The following ODC1 variants were observed in gnomAD, a reference collection of about 807,000 sequenced individuals.
ODC1 encodes ornithine decarboxylase 1.
ODC1 carries 18 observed loss-of-function variants against 41.5 expected under a neutral mutation model. The ratio of observed to expected loss-of-function variants is 0.43; its 90% CI spans 0.30 to 0.64. ODC1 has a LOEUF of 0.64. ODC1 is among the 30% of genes least tolerant of loss of function. The pLI is 0.11. For synonymous variants in ODC1, 218 were observed against 211.6 expected (o/e 1.03, Z -0.26); for missense variants, 504 against 589.0 (o/e 0.86, Z 1.49).
chr2:10,440,814 C>G lies in ODC1; in HGVS notation c.1296G>C (p.Gln432His). ...NPDFPPEVEE[Q>H]DASTLPVSCA... ...AAGACACAGGCAGGGTGCTGGCATC[C>G]TGTTCCTCTACTTCGGGTGGGAAGT... Residue 432 changes from glutamine (Q) to histidine (H), a missense_variant, in exon 12 of 12, where the codon CAG becomes CAC. Gln to His is a conservative substitution (Grantham distance 24). Transcript: ENST00000234111. 1 of 1,614,130 alleles carries G rather than the reference C, an allele frequency of 6.2e-7. No homozygotes were observed. The highest frequency in any genetic ancestry group is 8.5e-7 in the Non-Finnish European group (1 of 1,180,004).
rs1478999060 is a variant in ODC1, at chr2:10,442,006, A to G, written c.913+6T>C. Reference sequence around the variant, plus strand: ...ATACATGAAGTGATTCGTCCTTTATACATACCATCAGAGCCCGTCTGTTCC... The same window carrying G: ...ATACATGAAGTGATTCGTCCTTTATGCATACCATCAGAGCCCGTCTGTTCC... On this transcript the variant is annotated splice_donor_region_variant and intron_variant, in intron 9 of 11. Coordinates refer to ENST00000234111, the MANE Select transcript of ODC1 (RefSeq NM_002539.3). The G allele has an allele frequency of 6.2e-7, 1 of 1,613,540 alleles. No homozygotes were observed. The highest frequency in any genetic ancestry group is 8.5e-7 in the Non-Finnish European group (1 of 1,179,526).
rs761328124 is a variant in ODC1, at chr2:10,442,166, G to A, written c.759C>T (p.Gly253=). 15 of 1,602,608 alleles carry A rather than the reference G, an allele frequency of 9.4e-6. No homozygotes were observed. Among genetic ancestry groups the A allele is most frequent in the African/African-American group, 1.3e-5 (1 of 74,260 alleles). The part of the protein sequence containing the change: ...DVKLKFEEIT[G]VINPALDKYF... Reference sequence around the variant, plus strand: ...ATTTGTCCAACGCTGGGTTGATTACGCCGGTGATCTAAGAGAGTGAAACAG... The same window carrying A: ...ATTTGTCCAACGCTGGGTTGATTACACCGGTGATCTAAGAGAGTGAAACAG... The change falls in exon 9 of 12, where the codon GGC becomes GGT. Residue 253 remains glycine (G), a synonymous_variant. Transcript: ENST00000234111.
In ODC1 at chr2:10,442,016, A is replaced by G. The variant is rs1671840368; in HGVS notation, c.909T>C (p.Ser303=). 6.2e-7 allele frequency: 1 copy of G among 1,613,616 alleles called. No homozygotes were observed. Among genetic ancestry groups the G allele is most frequent in the South Asian group, 1.1e-5 (1 of 91,054 alleles). ...TGATTCGTCCTTTATACATACCATC[A>G]GAGCCCGTCTGTTCCTTTAATACAA... is the stretch of plus-strand genomic sequence containing the variant. ...KKIVLKEQTG[S]DDEDESSEQT... Residue 303 remains serine (S), a synonymous_variant, in exon 9 of 12, where the codon TCT becomes TCC. Transcript: ENST00000234111.
intron 2 of ODC1, 47 bp from the exon 3 acceptor site, chr2:10,445,096 G>T: frequency 1.0e-6 from 1 of 979,772 alleles, no homozygotes; most frequent in Non-Finnish European, 1.6e-6. Flanking sequence ...TCACTTAGAA[G>T]CCTTAGCAAT....
rs564315137 is a variant in ODC1 at position 10,441,447 on chromosome 2, A to C, written c.1241+62T>G. 1.3e-4 allele frequency: 192 copies of C among 1,506,842 alleles called. No individual in the cohort carries two copies. The African/African-American group carries it at 1.7e-3, about 14-fold the overall frequency. 93.3% of individuals were successfully genotyped at this position (1,506,842 alleles called of 1,614,324 possible). A position where few individuals can be genotyped will look rare whatever the true frequency, so the allele number is the denominator to read the frequency against. ...ACAATTTCTTATTCGTCTAGACAAG[A>C]AGCACACATCCAAGAAGGTGCCTAT... On this transcript the variant is annotated intron_variant, in intron 11 of 11. Coordinates refer to ENST00000234111, the MANE Select transcript of ODC1 (RefSeq NM_002539.3).
At chr2:10,446,188 C>CA (rs1672007876) in intron 1 of ODC1, among the ~76,000 whole-genome samples, 1 of 146,620 alleles carries the variant, frequency 6.8e-6, no homozygotes, top group Admixed American at 6.9e-5. Context: ...GGCTGGAGTG[C>CA]AATGGCATGA....
chr2:10,443,466 C>T (rs1449965293), intron 7 of ODC1, 24 bp downstream of exon 7: 14 of 1,608,420 alleles, frequency 8.7e-6, no homozygotes, highest in Non-Finnish European at 1.2e-5. Context: ...CCCGCCCTTC[C>T]CTAACAGGGT....
Position 10,442,158 on chromosome 2 carries a change from T to G in ODC1, c.767A>C (p.Asn256Thr). 1 of 1,607,024 alleles carries G rather than the reference T, an allele frequency of 6.2e-7. No homozygotes were observed. Among genetic ancestry groups the G allele is most frequent in the South Asian group, 1.1e-5 (1 of 89,446 alleles). Residue 256 changes from asparagine to threonine, a missense_variant, in exon 9 of 12, where the codon AAC becomes ACC. Around this residue, in one of 3 missense-constraint regions of ODC1, gnomAD observed 447 missense variants for 524.4 expected, o/e 0.85. Coordinates refer to ENST00000234111, the MANE Select transcript of ODC1 (RefSeq NM_002539.3). ...LKFEEITGVI[N>T]PALDKYFPSD... Reference sequence around the variant, plus strand: ...CGGAAAGTATTTGTCCAACGCTGGGTTGATTACGCCGGTGATCTAAGAGAG... The same window carrying G: ...CGGAAAGTATTTGTCCAACGCTGGGGTGATTACGCCGGTGATCTAAGAGAG...
At position 10,443,975 on chromosome 2, in the gene ODC1, G is replaced by A. The variant is rs28362400; in HGVS notation, c.449+120C>T. 5,475 of 1,445,806 alleles carry A rather than the reference G, an allele frequency of 3.8e-3. 161 individuals are homozygous for A. In the African/African-American group the frequency reaches 0.067, roughly 18 times the overall value. 89.6% of individuals were successfully genotyped at this position (1,445,806 alleles called of 1,614,324 possible). Reference sequence around the variant, plus strand: ...AGTCCCAGGCTTCATGACTCAATGGGGGTTTCAACTACTTTCTACTAAAGT... The same window carrying A: ...AGTCCCAGGCTTCATGACTCAATGGAGGTTTCAACTACTTTCTACTAAAGT... On this transcript the variant is annotated intron_variant, in intron 5 of 11. Transcript: ENST00000234111.
At position 10,447,561 on chromosome 2, in the gene ODC1, C is replaced by G. The variant is rs888930679; in HGVS notation, c.-128+560G>C. 4.6e-5 allele frequency: 7 copies of G among 152,404 alleles called. No individual in the cohort carries two copies. In the East Asian group the frequency reaches 1.2e-3, roughly 25 times the overall value. The allele number at this position is 152,404 out of a possible 1,614,324, so 9.4% of individuals were successfully genotyped here. ...GTCATTCACAGTCCTTAAATAAACA[C>G]CTCTAAGTCATGGCCGAGCATCTAA... On this transcript the variant is annotated intron_variant, in intron 1 of 11. Transcript: ENST00000234111.
chr2:10,443,628 A>C, intron 6 of ODC1, 57 bp from the exon 7 acceptor site: 1 of 1,606,104 alleles, frequency 6.2e-7, no homozygotes, highest in Non-Finnish European at 8.5e-7. Context: ...AAATAATAGC[A>C]AACACTAGGA....
chr2:10,442,422 T>A (rs2148067982), intron 8 of ODC1, among the ~76,000 whole-genome samples: 1 of 152,348 alleles, frequency 6.6e-6, no homozygotes, highest in African/African-American at 2.4e-5. Context: ...GTATGATTTT[T>A]ATCAAAGAAC....
rs753595527 is a variant in ODC1 at position 10,443,768 on chromosome 2, G to A, written c.518C>T (p.Thr173Met). The A allele has an allele frequency of 2.0e-5, 32 of 1,614,030 alleles. No homozygotes were observed. The highest frequency in any genetic ancestry group is 1.6e-4 in the Middle Eastern group (1 of 6,084). ...VCRLSVKFGA[T>M]LRTSRLLLER... ...CAAAAGGAGCCTGCTGGTTCTGAGC[G>A]TGGCACCGAATTTCACACTGAGACG... The change falls in exon 6 of 12, where the codon ACG (threonine) becomes ATG (methionine). Residue 173 changes from threonine to methionine, a missense_variant. By Grantham distance (81) the Thr-to-Met change is moderately conservative. This residue lies in a region of ODC1 where 447 missense variants were observed against 524.4 expected (regional missense o/e 0.85). Coordinates refer to ENST00000234111, the MANE Select transcript of ODC1 (RefSeq NM_002539.3).
In ODC1 at chr2:10,441,515, G is replaced by A; in HGVS notation, c.1235C>T (p.Pro412Leu). The A allele has an allele frequency of 6.2e-7, 1 of 1,613,770 alleles. No homozygotes were observed. Among genetic ancestry groups the A allele is most frequent in the Non-Finnish European group, 8.5e-7 (1 of 1,179,846 alleles). ...RPTIYYVMSGPAWQLMQQFQN... is the reference protein window; with the variant it reads ...RPTIYYVMSGLAWQLMQQFQN... ...ACATGCATGGCTTACTTACCACGCA[G>A]GCCCTGACATCACATAGTAGATCGT... Residue 412 changes from proline to leucine, a missense_variant, in exon 11 of 12, where the codon CCT becomes CTT. This residue lies in a region of ODC1 where 447 missense variants were observed against 524.4 expected (regional missense o/e 0.85). Coordinates refer to ENST00000234111, the MANE Select transcript of ODC1 (RefSeq NM_002539.3).
Position 10,444,938 on chromosome 2 carries a change from G to T in ODC1, c.95C>A (p.Ser32Tyr). The T allele has an allele frequency of 1.2e-6, 2 of 1,610,628 alleles. No individual in the cohort carries two copies. Among genetic ancestry groups the T allele is most frequent in the Non-Finnish European group, 1.7e-6 (2 of 1,176,964 alleles). ...TGGGCCTCATATACTTACAGAAGAA[G>T]AAACTTCATTAATTTTCTGGTCCAG... is the stretch of plus-strand genomic sequence containing the variant. Reference protein sequence around the residue: ...DILDQKINEVSSSDDKDAFYV... With the variant: ...DILDQKINEVYSSDDKDAFYV... Residue 32 changes from serine to tyrosine, a missense_variant, in exon 3 of 12, where the codon TCT (serine) becomes TAT (tyrosine). Coordinates refer to ENST00000234111, the MANE Select transcript of ODC1 (RefSeq NM_002539.3).
intron 7 of ODC1, 75 bp downstream of exon 7, chr2:10,443,415 A>C (rs994753121): frequency 2.9e-5 from 45 of 1,564,356 alleles, no homozygotes; most frequent in Middle Eastern, 3.4e-4. Context: ...CTGCCATAAA[A>C]AGTTAACTCT....
chr2:10,447,606 A>T (rs991484072), intron 1 of ODC1: 1 of 152,278 alleles, frequency 6.6e-6, no homozygotes, highest in Non-Finnish European at 1.5e-5. Flanking sequence ...TACTACAGCA[A>T]GACTATCTTA....
Position 10,444,454 on chromosome 2 carries a change from G to A in ODC1, c.276+20C>T. ...GGCCCATTTTATACAACGCTTTTGA[G>A]GCCTGCTGCTATCGCTTACCTTGCT... On this transcript the variant is annotated intron_variant, in intron 4 of 11. Coordinates refer to ENST00000234111, the MANE Select transcript of ODC1 (RefSeq NM_002539.3). The A allele has an allele frequency of 1.9e-6, 3 of 1,592,100 alleles. No homozygotes were observed. The highest frequency in any genetic ancestry group is 1.1e-5 in the South Asian group (1 of 87,882).
intron 5 of ODC1, 40 bp from the exon 6 acceptor site, chr2:10,443,876 T>C (rs370823383): frequency 1.9e-6 from 3 of 1,608,510 alleles, no homozygotes; most frequent in African/African-American, 2.7e-5. Flanking sequence ...TCATGATAGA[T>C]GTTCACTTAT....
Sources: allele counts gnomAD v4.1 joint callset (sites outside exome capture counted in the v4.1 genomes callset), GRCh38; gene constraint gnomAD v4.1.1; regional missense constraint gnomAD v4.1.1; transcripts MANE v1.5; gene names NCBI Gene and HGNC (gene_info 2026-07-23, HGNC 2026-07-21).